The following PHF20 variants were observed in gnomAD, a reference collection of about 807,000 sequenced individuals.
The protein encoded by PHF20 is glioma-expressed antigen 2.
PHF20 carries 23 observed loss-of-function variants against 113.5 expected under a neutral mutation model. The observed-to-expected ratio is 0.20, with a 90% CI of 0.15 to 0.29. PHF20 has a LOEUF of 0.29. PHF20 is among the 10% of genes least tolerant of loss of function. The pLI is 1.00. For missense variants in PHF20, 943 were observed against 1,219.6 expected (o/e 0.77, Z 3.38); for synonymous variants, 434 against 457.3 (o/e 0.95, Z 0.65).
At chr20:35,883,863 G>GAT (rs1327285652) in intron 9 of PHF20, among the ~76,000 whole-genome samples, 1 of 152,186 alleles carries the variant, frequency 6.6e-6, no homozygotes, top group African/African-American at 2.4e-5. Context: ...CACAGTATGT[G>GAT]ATGCAAACTT....
At chr20:35,854,799 T>C (rs920307565) in intron 4 of PHF20, among the ~76,000 whole-genome samples, 3 of 152,118 alleles carry the variant, frequency 2.0e-5, no homozygotes, top group Admixed American at 6.6e-5. Context: ...AAAAAATTGG[T>C]TGGAGGTCAG....
intron 4 of PHF20, among the ~76,000 whole-genome samples, chr20:35,848,784 G>C (rs1348531036): frequency 2.0e-5 from 3 of 151,286 alleles, no homozygotes; most frequent in African/African-American, 7.3e-5. Flanking sequence ...TTGAGCCCAG[G>C]AGTTTGAGGC....
chr20:35,815,383 G>C (rs1851122641), intron 2 of PHF20, among the ~76,000 whole-genome samples: 1 of 152,018 alleles, frequency 6.6e-6, no homozygotes, highest in African/African-American at 2.4e-5. Context: ...TTGGAGACCA[G>C]CCTGGCCATT....
At chr20:35,936,928 G>C (rs943330752) in intron 15 of PHF20, among the ~76,000 whole-genome samples, 11 of 152,160 alleles carry the variant, frequency 7.2e-5, no homozygotes. Context: ...ACCTTGACTT[G>C]TGAGACACCC....
intron 13 of PHF20, among the ~76,000 whole-genome samples, chr20:35,924,314 C>T (rs2055580027): frequency 6.6e-6 from 1 of 151,438 alleles, no homozygotes; most frequent in South Asian, 2.1e-4. Flanking sequence ...CCTGCCTCAG[C>T]CTCCCGAGTA....
chr20:35,811,174 G>T (rs2041970994), intron 2 of PHF20, among the ~76,000 whole-genome samples: 1 of 152,014 alleles, frequency 6.6e-6, no homozygotes, highest in Non-Finnish European at 1.5e-5. Flanking sequence ...AGCCTCCCGA[G>T]TAGCTGGGAC....
At chr20:35,838,138 C>T (rs996334639) in intron 2 of PHF20, among the ~76,000 whole-genome samples, 1 of 152,150 alleles carries the variant, frequency 6.6e-6, no homozygotes, top group Non-Finnish European at 1.5e-5. Flanking sequence ...TAGGAGTTCA[C>T]ACTTGATTCT....
At chr20:35,917,406 A>C (rs1316346111) in intron 12 of PHF20, 78 bp from the exon 13 acceptor site, 1 of 1,277,734 alleles carries the variant, frequency 7.8e-7, no homozygotes, top group Non-Finnish European at 1.1e-6. Flanking sequence ...CTATAATGTC[A>C]TTTTTCATTC....
At chr20:35,805,497 C>T (rs1211421389) in intron 2 of PHF20, among the ~76,000 whole-genome samples, 1 of 151,496 alleles carries the variant, frequency 6.6e-6, no homozygotes, top group Non-Finnish European at 1.5e-5. Context: ...ATTCTCCTGC[C>T]TTAGCTTCCC....
intron 2 of PHF20, among the ~76,000 whole-genome samples, chr20:35,818,997 C>T (rs923497003): frequency 2.6e-5 from 4 of 151,924 alleles, no homozygotes; most frequent in South Asian, 4.2e-4. Context: ...GTGGCCCTAT[C>T]TCGGTTCACT....
intron 9 of PHF20, among the ~76,000 whole-genome samples, chr20:35,884,215 C>G (rs2054684775): frequency 1.3e-5 from 2 of 152,130 alleles, no homozygotes; most frequent in African/African-American, 4.8e-5. Context: ...AGCATCCAGC[C>G]AGGTCCCTGG....
intron 1 of PHF20, among the ~76,000 whole-genome samples, chr20:35,785,519 C>T (rs1173406879): frequency 6.6e-6 from 1 of 151,670 alleles, no homozygotes; most frequent in African/African-American, 2.4e-5. Flanking sequence ...GGGGTTTCAC[C>T]ACGTTGGCCA....
At position 35,938,744 on chromosome 20, in the gene PHF20, A is replaced by G; in HGVS notation, c.2348A>G (p.Gln783Arg). Residue 783 changes from glutamine (Q) to arginine (R), a missense_variant, in exon 16 of 18, where the codon CAG becomes CGG. Coordinates refer to ENST00000374012, the MANE Select transcript of PHF20 (RefSeq NM_016436.5). The stretch of plus-strand genomic sequence containing the variant: ...CCGCTGTGGTGCCAGCCTTGGAAAC[A>G]GCACTCAGGGGAGGGGAGATCTCAT... ...DLPLWCQPWKQHSGEGRSHFR... is the reference protein window; with the variant it reads ...DLPLWCQPWKRHSGEGRSHFR... 6.2e-7 allele frequency: 1 copy of G among 1,613,874 alleles called. No individual in the cohort carries two copies. Among genetic ancestry groups the G allele is most frequent in the Non-Finnish European group, 8.5e-7 (1 of 1,179,866 alleles).
intron 2 of PHF20, among the ~76,000 whole-genome samples, chr20:35,807,544 G>C (rs1268071916): frequency 1.3e-5 from 2 of 151,734 alleles, no homozygotes; most frequent in Non-Finnish European, 2.9e-5. Flanking sequence ...GTAGAGGCGG[G>C]GTTTTGCCAT....
At chr20:35,899,128 C>T (rs915321298) in intron 9 of PHF20, among the ~76,000 whole-genome samples, 5 of 151,850 alleles carry the variant, frequency 3.3e-5, no homozygotes, top group Non-Finnish European at 5.9e-5. Context: ...AAAACTTGTA[C>T]GACTGTTTAA....
At chr20:35,867,195 C>G (rs1234698226) in intron 6 of PHF20, among the ~76,000 whole-genome samples, 1 of 152,138 alleles carries the variant, frequency 6.6e-6, no homozygotes, top group Non-Finnish European at 1.5e-5. Context: ...CTTGAGCACC[C>G]TAGATTGTAT....
intron 2 of PHF20, among the ~76,000 whole-genome samples, chr20:35,834,154 C>G (rs2042399345): frequency 6.6e-6 from 1 of 151,800 alleles, no homozygotes; most frequent in African/African-American, 2.4e-5. Flanking sequence ...CCAGACTGTC[C>G]AGCCTGGGCT....
chr20:35,775,881 C>T (rs1034996166), intron 1 of PHF20, among the ~76,000 whole-genome samples: 13 of 151,854 alleles, frequency 8.6e-5, no homozygotes, highest in African/African-American at 2.9e-4. Flanking sequence ...GGTGTGATCA[C>T]GGCTTACTGC....
chr20:35,791,840 C>G (rs560150436), intron 1 of PHF20, among the ~76,000 whole-genome samples: 1 of 151,990 alleles, frequency 6.6e-6, no homozygotes, highest in South Asian at 2.1e-4. Flanking sequence ...AGGGAAGTGC[C>G]CATGTTTCTA....
Sources: allele counts gnomAD v4.1 joint callset (sites outside exome capture counted in the v4.1 genomes callset), GRCh38; gene constraint gnomAD v4.1.1; transcripts MANE v1.5; gene names NCBI Gene and HGNC (gene_info 2026-07-23, HGNC 2026-07-21).